Variants in NAALADL2 observed in about 807,000 individuals in gnomAD.
The protein encoded by NAALADL2 is N-acetylated alpha-linked acidic dipeptidase like 2, also known as inactive N-acetylated-alpha-linked acidic dipeptidase-like protein 2.
A neutral mutation model predicts 87.2 loss-of-function variants in NAALADL2; 76 were observed. That is an observed-to-expected ratio of 0.87 (90% CI 0.72 to 1.05). NAALADL2 has a LOEUF of 1.05. NAALADL2 is among the 50% of genes least tolerant of loss of function. NAALADL2 has a pLI of 0.00. For synonymous variants in NAALADL2, 354 were observed against 331.0 expected (o/e 1.07, Z -0.75); for missense variants, 1,089 against 945.8 (o/e 1.15, Z -1.99).
intron 6 of NAALADL2, among the ~76,000 whole-genome samples, chr3:175,451,376 T>C (rs180790943): frequency 6.6e-6 from 1 of 152,260 alleles, no homozygotes; most frequent in East Asian, 1.9e-4. Context: ...AAAAAGTTCC[T>C]CCTTAAATAG....
At chr3:175,171,282 G>A (rs971994236) in intron 2 of NAALADL2, among the ~76,000 whole-genome samples, 3 of 152,036 alleles carry the variant, frequency 2.0e-5, no homozygotes, top group African/African-American at 7.2e-5. Flanking sequence ...GTTTGAGACT[G>A]CAGGGTAGAG....
At chr3:175,335,679 G>T (rs907172455) in intron 5 of NAALADL2, among the ~76,000 whole-genome samples, 3 of 152,094 alleles carry the variant, frequency 2.0e-5, no homozygotes, top group Non-Finnish European at 4.4e-5. Context: ...TGCTAGCATT[G>T]TAAATTTCAG....
intron 13 of NAALADL2, among the ~76,000 whole-genome samples, chr3:175,778,288 T>C (rs756858533): frequency 6.6e-6 from 1 of 151,942 alleles, no homozygotes; most frequent in Non-Finnish European, 1.5e-5. Flanking sequence ...GAAAGTAGAG[T>C]AGTTACAGAA....
At chr3:175,544,206 T>C (rs1204673134) in intron 9 of NAALADL2, among the ~76,000 whole-genome samples, 1 of 152,164 alleles carries the variant, frequency 6.6e-6, no homozygotes, top group East Asian at 1.9e-4. Context: ...CAAAGCAAGG[T>C]GAGAGTCCTG....
At chr3:174,746,398 G>GACTACAACTACAAAC (rs1481184467) in intron 3 of NAALADL2, among the ~76,000 whole-genome samples, 3 of 152,072 alleles carry the variant, frequency 2.0e-5, no homozygotes, top group Admixed American at 2.0e-4. Flanking sequence ...TCTTCAAGGA[G>GACTACAACTACAAAC]TACTACAAAC....
chr3:174,858,249 A>G (rs148267287), upstream of NAALADL2, among the ~76,000 whole-genome samples: 14 of 150,598 alleles, frequency 9.3e-5, no homozygotes, highest in African/African-American at 3.4e-4. Flanking sequence ...TACTAGTCTA[A>G]CTACAGCCAA....
chr3:175,399,733 C>A (rs1770311419), intron 5 of NAALADL2, among the ~76,000 whole-genome samples: 2 of 151,930 alleles, frequency 1.3e-5, no homozygotes, highest in South Asian at 4.2e-4. Flanking sequence ...CCTCTCTCAC[C>A]CTGTGACTTA....
intron 5 of NAALADL2, among the ~76,000 whole-genome samples, chr3:175,372,579 C>T (rs994434901): frequency 1.1e-4 from 16 of 152,212 alleles, no homozygotes; most frequent in African/African-American, 3.6e-4. Context: ...AAGAAAGGCA[C>T]ATGCCCACTA....
intron 2 of NAALADL2, among the ~76,000 whole-genome samples, chr3:175,205,463 C>T (rs555312395): frequency 2.6e-4 from 40 of 152,128 alleles, no homozygotes; most frequent in African/African-American, 9.6e-4. Context: ...GATTAAGTAC[C>T]TAAATCTAAG....
intron 1 of NAALADL2, among the ~76,000 whole-genome samples, chr3:174,959,528 A>G (rs1245506659): frequency 2.0e-5 from 3 of 151,982 alleles, no homozygotes. Flanking sequence ...TACATAGGGG[A>G]ATCAGTGAGG....
intron 5 of NAALADL2, among the ~76,000 whole-genome samples, chr3:175,398,852 C>T (rs1265125969): frequency 4.0e-5 from 6 of 151,832 alleles, no homozygotes; most frequent in Non-Finnish European, 5.9e-5. Context: ...GGTCCCGATC[C>T]AGACCCCAAG....
chr3:175,777,689 C>A lies in NAALADL2; in HGVS notation c.2189+22271C>A, dbSNP rs1382339180. 3.3e-5 allele frequency among the ~76,000 whole-genome samples: 5 copies of A among 152,104 alleles called. No homozygotes were observed. In the East Asian group the frequency reaches 9.7e-4, roughly 29 times the overall value. ...TGTGGTTGCAGTCAGAATAAATCAA[C>A]AAACTCTGCCTAGGGTTGTTGGCAA... On this transcript the variant is annotated intron_variant, in intron 13 of 13. Transcript: ENST00000454872.
chr3:175,771,720 T>C (rs1173625364), intron 13 of NAALADL2, among the ~76,000 whole-genome samples: 1 of 152,182 alleles, frequency 6.6e-6, no homozygotes. Context: ...ATTCACATAA[T>C]ACAGGATAAT....
At chr3:174,833,138 G>T (rs186869807) in intron 3 of NAALADL2, among the ~76,000 whole-genome samples, 1 of 151,904 alleles carries the variant, frequency 6.6e-6, no homozygotes, top group Non-Finnish European at 1.5e-5. Flanking sequence ...AAAATCATTT[G>T]TTATATAAGT....
At position 175,310,161 on chromosome 3, in the gene NAALADL2, A is replaced by ACATT. The variant is rs1758182007; in HGVS notation, c.940-14012_940-14009dup. Among the ~76,000 whole-genome samples the ACATT allele has an allele frequency of 2.6e-5, 4 of 152,202 alleles. No individual in the cohort carries two copies. In the South Asian group the frequency reaches 8.3e-4, roughly 31 times the overall value. On this transcript the variant is annotated intron_variant, in intron 4 of 13. Transcript: ENST00000454872. Reference sequence around the variant, plus strand: ...ATACTCATTTGCTTTTTTTCCAAATACATTCTTTTTATACCCACCAGCCTT... The same window carrying ACATT: ...ATACTCATTTGCTTTTTTTCCAAATACATTCATTCTTTTTATACCCACCAGCCTT...
intron 2 of NAALADL2, among the ~76,000 whole-genome samples, chr3:175,154,096 A>C (rs929546248): frequency 2.6e-5 from 4 of 152,284 alleles, no homozygotes; most frequent in Admixed American, 6.5e-5. Context: ...TCCTTCTTTG[A>C]AGTGGTGGCC....
chr3:175,502,182 T>C (rs189293354), intron 9 of NAALADL2, among the ~76,000 whole-genome samples: 5 of 152,216 alleles, frequency 3.3e-5, no homozygotes, highest in East Asian at 3.9e-4. Context: ...ATGGTTAGTT[T>C]TGTTAAAACT....
At chr3:174,991,334 T>C (rs1037842447) in intron 1 of NAALADL2, among the ~76,000 whole-genome samples, 1 of 152,134 alleles carries the variant, frequency 6.6e-6, no homozygotes, top group Non-Finnish European at 1.5e-5. Context: ...TTAATATTCT[T>C]TAGAGGCATT....
intron 1 of NAALADL2, among the ~76,000 whole-genome samples, chr3:174,921,884 A>C (rs1156799500): frequency 6.6e-6 from 1 of 151,884 alleles, no homozygotes; most frequent in East Asian, 1.9e-4. Flanking sequence ...TCCATTTGGC[A>C]GGAAAATACT....
Sources: gnomAD v4.1 joint callset for allele counts (sites outside exome capture counted in the v4.1 genomes callset) on GRCh38, gnomAD v4.1.1 for gene constraint, MANE v1.5 for transcripts, NCBI Gene and HGNC (gene_info 2026-07-23, HGNC 2026-07-21) for gene names.